Variants in IGLL5 observed in about 807,000 individuals in gnomAD.
IGLL5 encodes the protein immunoglobulin lambda like polypeptide 5, also known as immunoglobulin lambda-like polypeptide 5.
Under a neutral mutation model 20.9 loss-of-function variants are expected in IGLL5, and 30 were observed. The ratio of observed to expected loss-of-function variants is 1.44; its 90% CI spans 1.07 to 1.95. The LOEUF is 1.95. Among genes scored for constraint, IGLL5 ranks in the 30% most tolerant of loss-of-function variants. The pLI, the probability that IGLL5 is intolerant of heterozygous loss-of-function variation, is 0.00. For synonymous variants in IGLL5, 203 were observed against 117.3 expected (o/e 1.73, Z -4.72); for missense variants, 475 against 270.7 (o/e 1.75, Z -5.30).
At chr22:22,888,536 CTAGTCCTCTGGG>C in intron 1 of IGLL5, among the ~76,000 whole-genome samples, 1 of 151,326 alleles carries the variant, frequency 6.6e-6, no homozygotes, top group Non-Finnish European at 1.5e-5. Context: ...TCACCTAGTC[CTAGTCCTCTGGG>C]TAGGGAAGGA....
rs1427741424 is a variant in IGLL5 at position 22,888,205 on chromosome 22, A to G, written c.152A>G (p.Asp51Gly). 1.0e-5 allele frequency: 16 copies of G among 1,548,432 alleles called. No individual in the cohort carries two copies. Among genetic ancestry groups the G allele is most frequent in the East Asian group, 2.5e-5 (1 of 40,586 alleles). The change falls in exon 1 of 3, where the codon GAC becomes GGC. Residue 51 changes from aspartate (D) to glycine (G), a missense_variant. Transcript: ENST00000526893. ...GTTGCACCGCAAAGCGGGGACCCAG[A>G]CCCTGGAGCCTCAGTTGGAAGCAGC... ...PMVAPQSGDP[D>G]PGASVGSSRS...
At position 22,888,234 on chromosome 22, in the gene IGLL5, T is replaced by G. The variant is rs939720182; in HGVS notation, c.181T>G (p.Ser61Ala). The G allele has an allele frequency of 3.9e-6, 6 of 1,547,928 alleles. No homozygotes were observed. Among genetic ancestry groups the G allele is most frequent in the East Asian group, 2.5e-5 (1 of 40,586 alleles). ...TGGAGCCTCAGTTGGAAGCAGCCGA[T>G]CCAGCCTGCGGAGCCTGTGGGGCAG... ...DPGASVGSSRSSLRSLWGRLL... is the reference protein window; with the variant it reads ...DPGASVGSSRASLRSLWGRLL... The change falls in exon 1 of 3, where the codon TCC becomes GCC. Residue 61 changes from serine (S) to alanine (A), a missense_variant. Ser to Ala is a moderately conservative substitution (Grantham distance 99). Coordinates refer to ENST00000526893, the MANE Select transcript of IGLL5 (RefSeq NM_001178126.2).
intron 1 of IGLL5, among the ~76,000 whole-genome samples, chr22:22,890,312 A>AAC (rs372346670): frequency 0.068 from 8,459 of 123,604 alleles, 278 homozygotes; most frequent in Middle Eastern, 0.082. Context: ...TGTCCCTGAA[A>AAC]ACACACACAC....
intron 2 of IGLL5, among the ~76,000 whole-genome samples, chr22:22,894,392 A>C (rs1473630112): frequency 2.6e-5 from 4 of 151,470 alleles, no homozygotes; most frequent in East Asian, 4.0e-4. Context: ...CTGGGTCATG[A>C]GGACATGGGG....
chr22:22,888,374 CT>C, intron 1 of IGLL5, 115 bp downstream of exon 1: 1 of 885,838 alleles, frequency 1.1e-6, no homozygotes, highest in Non-Finnish European at 1.7e-6. Context: ...TAAGAGGGGC[CT>C]GGGCTGACAC....
intron 1 of IGLL5, among the ~76,000 whole-genome samples, chr22:22,889,771 T>A (rs1344418819): frequency 6.6e-6 from 1 of 151,188 alleles, no homozygotes; most frequent in Non-Finnish European, 1.5e-5. Flanking sequence ...TTAGGATTAT[T>A]ATTAGTTTAG....
Position 22,895,407 on chromosome 22 carries a change from T to C in IGLL5, c.358T>C (p.Phe120Leu). Residue 120 changes from phenylalanine to leucine, a missense_variant, in exon 3 of 3, where the codon TTC becomes CTC. Phe to Leu is a conservative substitution (Grantham distance 22). Transcript: ENST00000526893. ...QPKANPTVTL[F>L]PPSSEELQAN... Reference sequence around the variant, plus strand: ...CAAGGCCAACCCCACTGTCACTCTGTTCCCGCCCTCCTCTGAGGAGCTCCA... The same window carrying C: ...CAAGGCCAACCCCACTGTCACTCTGCTCCCGCCCTCCTCTGAGGAGCTCCA... 6.2e-7 allele frequency: 1 copy of C among 1,612,946 alleles called. No individual in the cohort carries two copies. Among genetic ancestry groups the C allele is most frequent in the Non-Finnish European group, 8.5e-7 (1 of 1,179,544 alleles).
chr22:22,890,599 GTA>G (rs1283754138), intron 1 of IGLL5, among the ~76,000 whole-genome samples: 149 of 126,788 alleles, frequency 1.2e-3, no homozygotes, highest in African/African-American at 2.5e-3. Flanking sequence ...GTGTGTGTGT[GTA>G]TGTGTACAAA....
At chr22:22,889,717 A>T (rs964574773) in intron 1 of IGLL5, among the ~76,000 whole-genome samples, 1 of 151,320 alleles carries the variant, frequency 6.6e-6, no homozygotes, top group East Asian at 2.0e-4. Context: ...CCTCCTGAGT[A>T]GCTAGGACTA....
intron 1 of IGLL5, 145 bp downstream of exon 1, chr22:22,888,404 G>C (rs181996190): frequency 6.1e-6 from 4 of 652,118 alleles, no homozygotes; most frequent in Admixed American, 5.9e-5. Flanking sequence ...GTAATGGGTT[G>C]ATATTTTGTC....
intron 1 of IGLL5, among the ~76,000 whole-genome samples, chr22:22,890,161 T>C (rs2067780417): frequency 2.0e-5 from 3 of 146,526 alleles, no homozygotes; most frequent in Admixed American, 6.7e-5. Flanking sequence ...CTCTTTTTTC[T>C]TGCCAAAAAA....
At chr22:22,890,286 T>C (rs2067789417) in intron 1 of IGLL5, among the ~76,000 whole-genome samples, 1 of 149,114 alleles carries the variant, frequency 6.7e-6, no homozygotes, top group African/African-American at 2.5e-5. Flanking sequence ...TCCAGAACTT[T>C]TCCTGTGTGT....
intron 1 of IGLL5, among the ~76,000 whole-genome samples, chr22:22,888,746 C>A (rs533191915): frequency 2.0e-5 from 3 of 151,318 alleles, no homozygotes; most frequent in South Asian, 4.2e-4. Context: ...CACCAACTTG[C>A]ACATAAATGC....
intron 2 of IGLL5, among the ~76,000 whole-genome samples, chr22:22,894,751 G>T (rs892597621): frequency 6.6e-6 from 1 of 151,244 alleles, no homozygotes; most frequent in Non-Finnish European, 1.5e-5. Flanking sequence ...TTCTGTGGTC[G>T]GGCTTGTGGA....
At chr22:22,889,203 T>A (rs9620186) in intron 1 of IGLL5, among the ~76,000 whole-genome samples, 1 of 151,010 alleles carries the variant, frequency 6.6e-6, no homozygotes, top group South Asian at 2.1e-4. Flanking sequence ...GTGGGGATCC[T>A]GGAGGAAGCC....
intron 1 of IGLL5, among the ~76,000 whole-genome samples, chr22:22,889,794 G>A (rs1338135255): frequency 2.0e-5 from 3 of 151,276 alleles, no homozygotes; most frequent in Non-Finnish European, 2.9e-5. Flanking sequence ...ACAGAGCCTC[G>A]CTATATTGCT....
chr22:22,889,264 G>T (rs1601607175), intron 1 of IGLL5, among the ~76,000 whole-genome samples: 2 of 151,170 alleles, frequency 1.3e-5, no homozygotes, highest in South Asian at 2.1e-4. Context: ...CAGGGGCCCA[G>T]TTTCCTATGA....
In IGLL5 at chr22:22,889,066, T is replaced by C. The variant is rs1181187957; in HGVS notation, c.206+807T>C. ...TCCCAGTCCAGGACGAGTCCTTGGA[T>C]GGATTTAGGTAGATTGATTATCAGA... On this transcript the variant is annotated intron_variant, in intron 1 of 2. Transcript: ENST00000526893. 3.3e-5 allele frequency among the ~76,000 whole-genome samples: 5 copies of C among 151,220 alleles called. 1 individual carries two copies. Among genetic ancestry groups the C allele is most frequent in the East Asian group, 4.1e-4 (2 of 4,934 alleles).
In IGLL5 at chr22:22,894,200, C is replaced by T. The variant is rs138367127; in HGVS notation, c.325+382C>T. 2.3e-4 allele frequency among the ~76,000 whole-genome samples: 35 copies of T among 151,116 alleles called. 1 individual carries two copies. The Middle Eastern group carries it at 0.011, about 49-fold the overall frequency. ...GAGGCTGCTGGGGTGGGCCTGGGAG[C>T]TGCTGAGTCTCATAGTCTAGGGGAG... On this transcript the variant is annotated intron_variant, in intron 2 of 2. Coordinates refer to ENST00000526893, the MANE Select transcript of IGLL5 (RefSeq NM_001178126.2).
Sources: gnomAD v4.1 joint callset for allele counts (sites outside exome capture counted in the v4.1 genomes callset) on GRCh38, gnomAD v4.1.1 for gene constraint, MANE v1.5 for transcripts, NCBI Gene and HGNC (gene_info 2026-07-23, HGNC 2026-07-21) for gene names.